The following MED15 variants were observed in gnomAD, a reference collection of about 807,000 sequenced individuals.
The protein encoded by MED15 is mediator complex subunit 15.
Under a neutral mutation model 118.7 loss-of-function variants are expected in MED15, and 41 were observed. The observed-to-expected ratio is 0.35, with a 90% CI of 0.27 to 0.45. MED15 has a LOEUF of 0.45. MED15 is among the 20% of genes least tolerant of loss of function. The probability of loss-of-function intolerance (pLI) is 1.00; values close to 1 mark genes in which losing one functional copy is unlikely to be tolerated. For missense variants in MED15, 740 were observed against 1,025.5 expected (o/e 0.72, Z 3.80); for synonymous variants, 436 against 413.9 (o/e 1.05, Z -0.65).
intron 8 of MED15, among the ~76,000 whole-genome samples, chr22:20,570,886 T>C (rs2056638560): frequency 6.7e-6 from 1 of 150,056 alleles, no homozygotes; most frequent in African/African-American, 2.4e-5. Flanking sequence ...CTGCCTTTGC[T>C]CCCAAGTAGC....
At chr22:20,543,141 G>A (rs1022650519) in intron 2 of MED15, among the ~76,000 whole-genome samples, 4 of 50,508 alleles carry the variant, frequency 7.9e-5, no homozygotes, top group African/African-American at 2.5e-4. Context: ...GTGTGTGTGT[G>A]TGTGTGTGTG....
chr22:20,507,833 C>A, intron 1 of MED15, 87 bp downstream of exon 1: 2 of 1,570,572 alleles, frequency 1.3e-6, no homozygotes, highest in East Asian at 4.7e-5. Flanking sequence ...CCGTGAGAAA[C>A]CTACGGCGCC....
At chr22:20,555,960 C>T (rs182468054) in intron 5 of MED15, among the ~76,000 whole-genome samples, 3 of 152,324 alleles carry the variant, frequency 2.0e-5, no homozygotes, top group Admixed American at 2.0e-4. Flanking sequence ...TGGGCTCAAG[C>T]GATCTGCTCA....
intron 1 of MED15, among the ~76,000 whole-genome samples, chr22:20,525,887 CTT>C (rs2054627449): frequency 6.6e-6 from 1 of 151,664 alleles, no homozygotes; most frequent in Admixed American, 6.6e-5. Flanking sequence ...CTACGACACT[CTT>C]TATGTGCATT....
chr22:20,548,959 A>ATGTTTGTT (rs550217743), intron 2 of MED15, among the ~76,000 whole-genome samples: 1 of 151,958 alleles, frequency 6.6e-6, no homozygotes, highest in Non-Finnish European at 1.5e-5. Context: ...CACCAGGGTA[A>ATGTTTGTT]TGTTTGTTTG....
At chr22:20,559,034 C>T (rs2056127729) in intron 5 of MED15, among the ~76,000 whole-genome samples, 1 of 152,058 alleles carries the variant, frequency 6.6e-6, no homozygotes, top group Non-Finnish European at 1.5e-5. Flanking sequence ...CTCACGACTA[C>T]ACTCCTGGCT....
At chr22:20,507,815 G>A (rs2053920481) in intron 1 of MED15, 69 bp downstream of exon 1, 2 of 1,596,480 alleles carry the variant, frequency 1.3e-6, no homozygotes, top group African/African-American at 1.3e-5. Flanking sequence ...GCGAGGCCAG[G>A]GCCGGACCCG....
Position 20,564,477 on chromosome 22 carries a change from T to G in MED15, c.479T>G (p.Leu160Arg), listed in dbSNP as rs1569226385. 2 of 1,612,556 alleles carry G rather than the reference T, an allele frequency of 1.2e-6. No individual in the cohort carries two copies. The highest frequency in any genetic ancestry group is 1.7e-6 in the Non-Finnish European group (2 of 1,179,240). ...QTQLQLQQVA[L>R]QQQQQQQQFQ... ...CAGCTGCAGCTCCAGCAGGTGGCGC[T>G]GCAGCAGCAGCAGCAACAGCAGCAG... Residue 160 changes from leucine to arginine, a missense_variant, in exon 6 of 18, where the codon CTG becomes CGG. This residue lies in a region of MED15 where 117 missense variants were observed against 124.6 expected (regional missense o/e 0.94). Transcript: ENST00000263205.
chr22:20,527,498 G>A (rs964818559), intron 1 of MED15, among the ~76,000 whole-genome samples: 3 of 151,710 alleles, frequency 2.0e-5, no homozygotes, highest in African/African-American at 7.3e-5. Flanking sequence ...CTGGAATGCA[G>A]TGATGTGTTC....
intron 8 of MED15, among the ~76,000 whole-genome samples, chr22:20,570,377 CTTTA>C (rs1265337915): frequency 1.4e-5 from 2 of 147,580 alleles, no homozygotes; most frequent in African/African-American, 5.0e-5. Flanking sequence ...CTGCTCTTTT[CTTTA>C]TTTCTTTCTG....
At chr22:20,565,659 T>C (rs1332648064) in intron 6 of MED15, among the ~76,000 whole-genome samples, 1 of 152,176 alleles carries the variant, frequency 6.6e-6, no homozygotes, top group Non-Finnish European at 1.5e-5. Flanking sequence ...GAGCTGACAG[T>C]GCATCTGCAG....
intron 8 of MED15, chr22:20,573,776 T>G (rs767402629): frequency 2.6e-5 from 4 of 152,232 alleles, no homozygotes; most frequent in Non-Finnish European, 4.4e-5. Context: ...CCATCTGACT[T>G]ACTTCCAGGC....
At chr22:20,537,361 T>G in intron 2 of MED15, 157 bp downstream of exon 2, 1 of 592,042 alleles carries the variant, frequency 1.7e-6, no homozygotes, top group Non-Finnish European at 2.9e-6. Context: ...TGCAGCAGTC[T>G]GGGTCCTCCT....
intron 5 of MED15, among the ~76,000 whole-genome samples, chr22:20,563,089 T>G (rs1202187285): frequency 6.6e-6 from 1 of 152,108 alleles, no homozygotes; most frequent in Non-Finnish European, 1.5e-5. Context: ...AGTGACAGCC[T>G]CAAGTGTTGG....
intron 4 of MED15, 66 bp downstream of exon 4, chr22:20,553,240 T>C: frequency 6.7e-7 from 1 of 1,490,490 alleles, no homozygotes; most frequent in Non-Finnish European, 9.4e-7. Context: ...AAGAATGACA[T>C]AGTGCATGCC....
chr22:20,582,517 C>T (rs1294733930), intron 9 of MED15, 94 bp from the exon 10 acceptor site: 3 of 1,517,466 alleles, frequency 2.0e-6, no homozygotes, highest in Non-Finnish European at 2.6e-6. Flanking sequence ...TGAGGCTGTG[C>T]GGGAGGATGG....
intron 2 of MED15, among the ~76,000 whole-genome samples, chr22:20,546,807 T>C (rs2055561407): frequency 6.6e-6 from 1 of 152,146 alleles, no homozygotes; most frequent in African/African-American, 2.4e-5. Flanking sequence ...TTAGTTTTTC[T>C]TAGTCTGCTG....
At chr22:20,535,215 C>T (rs1320956920) in intron 1 of MED15, among the ~76,000 whole-genome samples, 3 of 152,206 alleles carry the variant, frequency 2.0e-5, no homozygotes, top group Non-Finnish European at 4.4e-5. Flanking sequence ...GCCTCGGCCT[C>T]CCAAAGTGCT....
chr22:20,543,202 CTTTTTTTTTTTTTTTTTT>C (rs67565815), intron 2 of MED15, among the ~76,000 whole-genome samples: 1 of 54,118 alleles, frequency 1.8e-5, no homozygotes, highest in South Asian at 8.5e-4. Context: ...TTTCATGTTG[CTTTTTTTTTTTTTTTTTT>C]TTTTTTTTGG....
Sources: gnomAD v4.1 joint callset for allele counts (sites outside exome capture counted in the v4.1 genomes callset) on GRCh38, gnomAD v4.1.1 for gene constraint, gnomAD v4.1.1 regional missense constraint, MANE v1.5 for transcripts, NCBI Gene and HGNC (gene_info 2026-07-23, HGNC 2026-07-21) for gene names.